The following PCGF5 variants were observed in gnomAD, a reference collection of about 807,000 sequenced individuals.
PCGF5 encodes polycomb group RING finger protein 5.
In PCGF5, 9 loss-of-function variants were observed where a neutral mutation model predicts 44.3. That is an observed-to-expected ratio of 0.20 (90% CI 0.12 to 0.35). PCGF5 has a LOEUF of 0.35. PCGF5 is among the 10% of genes least tolerant of loss of function. The pLI is 1.00. For missense variants in PCGF5, 146 were observed against 305.3 expected (o/e 0.48, Z 3.89); for synonymous variants, 95 against 102.5 (o/e 0.93, Z 0.44).
intron 2 of PCGF5, among the ~76,000 whole-genome samples, chr10:91,238,601 C>CTTTCTTTCTTTCTTTTTTTTTTTTTT (rs1564644969): frequency 1.7e-5 from 1 of 58,438 alleles, no homozygotes; most frequent in African/African-American, 7.0e-5. Context: ...TTCTTTCTTT[C>CTTTCTTTCTTTCTTTTTTTTTTTTTT]TTTTTTTTTT....
chr10:91,182,504 A>G (rs1326430224), intron 1 of PCGF5, among the ~76,000 whole-genome samples: 1 of 151,884 alleles, frequency 6.6e-6, no homozygotes, highest in Non-Finnish European at 1.5e-5. Flanking sequence ...AAGCTCCTGG[A>G]TTCATTGATC....
At chr10:91,246,898 G>A (rs1226045706) in intron 3 of PCGF5, among the ~76,000 whole-genome samples, 1 of 151,714 alleles carries the variant, frequency 6.6e-6, no homozygotes, top group Non-Finnish European at 1.5e-5. Context: ...AGCATCTGTT[G>A]GAAATATGGA....
rs1196732121 is a variant in PCGF5, at chr10:91,281,626, A to G, written c.*3310A>G. 2.0e-5 allele frequency: 3 copies of G among 152,618 alleles called. No individual in the cohort carries two copies. Among genetic ancestry groups the G allele is most frequent in the Admixed American group, 6.5e-5 (1 of 15,286 alleles). The allele number at this position is 152,618 out of a possible 1,614,324, so 9.5% of individuals were successfully genotyped here. A position where few individuals can be genotyped will look rare whatever the true frequency, so the allele number is the denominator to read the frequency against. On this transcript the variant is annotated 3_prime_UTR_variant, in exon 10 of 10. Transcript: ENST00000336126. ...GACATTTTACAGTAAATTAATAACC[A>G]TGTTGGAGAGACGGTTTTAACAGTT...
chr10:91,184,986 G>A (rs1589356950), intron 1 of PCGF5, among the ~76,000 whole-genome samples: 1 of 152,210 alleles, frequency 6.6e-6, no homozygotes. Context: ...CCAGTCAGGA[G>A]GAACAACACA....
At chr10:91,198,830 T>G (rs1254564073) in intron 1 of PCGF5, among the ~76,000 whole-genome samples, 2 of 152,252 alleles carry the variant, frequency 1.3e-5, no homozygotes, top group African/African-American at 4.8e-5. Context: ...CTTCTTCAGA[T>G]GGGTTATTTC....
At chr10:91,160,900 G>A (rs145327070), upstream of PCGF5, among the ~76,000 whole-genome samples, 1 of 152,322 alleles carries the variant, frequency 6.6e-6, no homozygotes, top group East Asian at 1.9e-4. Flanking sequence ...CCAGGTGCCA[G>A]TCATTTGCCG....
chr10:91,252,777 G>C lies in PCGF5; in HGVS notation c.474+1337G>C, dbSNP rs138392865. On this transcript the variant is annotated intron_variant, in intron 6 of 9. Transcript: ENST00000336126. ...TGAAAGTTAAATCAATGGAAAGGCT[G>C]AATATCTTCTCATAAACAAACGTAA... Among the ~76,000 whole-genome samples, 49 of 152,108 alleles carry C rather than the reference G, an allele frequency of 3.2e-4. 1 individual carries two copies. In the East Asian group the frequency reaches 7.5e-3, roughly 23 times the overall value.
chr10:91,184,139 A>G (rs1384906776), intron 1 of PCGF5, among the ~76,000 whole-genome samples: 3 of 152,068 alleles, frequency 2.0e-5, no homozygotes, highest in Non-Finnish European at 4.4e-5. Flanking sequence ...CTCATGGATG[A>G]TATCCTAAAA....
intron 2 of PCGF5, among the ~76,000 whole-genome samples, chr10:91,228,279 A>G (rs1248211096): frequency 6.6e-6 from 1 of 152,166 alleles, no homozygotes; most frequent in Admixed American, 6.5e-5. Flanking sequence ...ACTAAGGACA[A>G]AGGGGCTATG....
At position 91,279,833 on chromosome 10, in the gene PCGF5, T is replaced by C. The variant is rs918652798; in HGVS notation, c.*1517T>C. On this transcript the variant is annotated 3_prime_UTR_variant, in exon 10 of 10. Coordinates refer to ENST00000336126, the MANE Select transcript of PCGF5 (RefSeq NM_032373.5). ...TCCAGTAAAATGTATCAGAAATCAA[T>C]GCCTTCTGAATTTCAAAATGATTCT... 6.6e-6 allele frequency: 1 copy of C among 152,120 alleles called. No homozygotes were observed. The highest frequency in any genetic ancestry group is 1.5e-5 in the Non-Finnish European group (1 of 67,958). The allele number at this position is 152,120 out of a possible 1,614,324, so 9.4% of individuals were successfully genotyped here.
chr10:91,251,790 C>A (rs966585415), intron 6 of PCGF5, among the ~76,000 whole-genome samples: 1 of 151,970 alleles, frequency 6.6e-6, no homozygotes, highest in African/African-American at 2.4e-5. Context: ...CCCTTTTATT[C>A]ATTCTCTTCT....
chr10:91,227,329 C>T, intron 2 of PCGF5: 2 of 1,025,198 alleles, frequency 2.0e-6, no homozygotes, highest in Non-Finnish European at 2.7e-6. Flanking sequence ...TTACGCTTTT[C>T]TTCTTAGCTG....
Position 91,170,646 on chromosome 10 carries a change from C to A in PCGF5, c.-184+7565C>A, listed in dbSNP as rs1021687146. Among the ~76,000 whole-genome samples, 6 of 152,328 alleles carry A rather than the reference C, an allele frequency of 3.9e-5. No individual in the cohort carries two copies. The East Asian group carries it at 1.2e-3, about 29-fold the overall frequency. On this transcript the variant is annotated intron_variant, in intron 1 of 9. Transcript: ENST00000614189. ...AAGGAGGTGGAGCAACAGGAACTCT[C>A]ATTTATTACTAGTGGGAATGTCAAA...
intron 1 of PCGF5, among the ~76,000 whole-genome samples, chr10:91,195,806 AGGG>A (rs920486328): frequency 1.3e-5 from 2 of 151,690 alleles, no homozygotes; most frequent in Non-Finnish European, 2.9e-5. Context: ...GAGCCTAGAC[AGGG>A]GCTTAGGGGC....
upstream of PCGF5, among the ~76,000 whole-genome samples, chr10:91,161,795 C>T (rs574036084): frequency 1.3e-5 from 2 of 152,298 alleles, no homozygotes; most frequent in South Asian, 4.1e-4. Flanking sequence ...CTGAACTTTT[C>T]CAGTCTCACC....
At chr10:91,238,491 A>T (rs1845228880) in intron 2 of PCGF5, among the ~76,000 whole-genome samples, 1 of 150,740 alleles carries the variant, frequency 6.6e-6, no homozygotes, top group Non-Finnish European at 1.5e-5. Flanking sequence ...ACAACCAAGG[A>T]TTGCCAACCC....
At chr10:91,203,084 G>C (rs1469681385) in intron 1 of PCGF5, among the ~76,000 whole-genome samples, 1 of 152,174 alleles carries the variant, frequency 6.6e-6, no homozygotes, top group African/African-American at 2.4e-5. Flanking sequence ...GGCAGGGGAA[G>C]TGTTCAGCCA....
intron 1 of PCGF5, among the ~76,000 whole-genome samples, chr10:91,186,468 G>T (rs1338044432): frequency 1.3e-5 from 2 of 152,034 alleles, no homozygotes; most frequent in Admixed American, 6.6e-5. Flanking sequence ...ATACTTGAAA[G>T]AAATGTTTAT....
At chr10:91,160,639 G>A (rs1011118458), upstream of PCGF5, among the ~76,000 whole-genome samples, 1 of 152,038 alleles carries the variant, frequency 6.6e-6, no homozygotes, top group Non-Finnish European at 1.5e-5. Context: ...AGAGACTCTG[G>A]GGGGGAAAAG....
Sources: allele counts gnomAD v4.1 joint callset (sites outside exome capture counted in the v4.1 genomes callset), GRCh38; gene constraint gnomAD v4.1.1; transcripts MANE v1.5; gene names NCBI Gene and HGNC (gene_info 2026-07-23, HGNC 2026-07-21).